The following CA3 variants were observed in gnomAD, a reference collection of about 807,000 sequenced individuals.
The protein encoded by CA3 is carbonic anhydrase 3.
A neutral mutation model predicts 35.7 loss-of-function variants in CA3; 30 were observed. That is an observed-to-expected ratio of 0.84 (90% CI 0.63 to 1.14). The LOEUF (loss-of-function observed/expected upper bound fraction) is 1.14. Ranked by LOEUF, CA3 falls within the 50% of genes most tolerant of loss-of-function variation. The probability of loss-of-function intolerance (pLI) is 0.00; values close to 1 mark genes in which losing one functional copy is unlikely to be tolerated. For missense variants in CA3, 295 were observed against 328.5 expected, an observed-to-expected ratio of 0.90 and a Z score of 0.79; for synonymous variants, 131 against 130.8, an observed-to-expected ratio of 1.00 and a Z score of -0.01.
chr8:85,443,775 C>T (rs768521264), intron 3 of CA3, among the ~76,000 whole-genome samples: 1 of 152,150 alleles, frequency 6.6e-6, no homozygotes, highest in African/African-American at 2.4e-5. Context: ...TGCTCATGTT[C>T]TAAATTAAGG....
chr8:85,448,347 G>A lies in CA3; in HGVS notation c.*194G>A, dbSNP rs1362634010. 9 of 429,856 alleles carry A rather than the reference G, an allele frequency of 2.1e-5. No individual in the cohort carries two copies. The highest frequency in any genetic ancestry group is 1.5e-4 in the East Asian group (4 of 26,498). The allele number at this position is 429,856 out of a possible 1,614,324, so 26.6% of individuals were successfully genotyped here. A position where few individuals can be genotyped will look rare whatever the true frequency, so the allele number is the denominator to read the frequency against. Reference sequence around the variant, plus strand: ...ACTTTCGACAAGATCTAATATGAAAGCATAGATTTCACATTTGATCTCTGT... The same window carrying A: ...ACTTTCGACAAGATCTAATATGAAAACATAGATTTCACATTTGATCTCTGT... On this transcript the variant is annotated 3_prime_UTR_variant, in exon 7 of 7. Transcript: ENST00000285381.
At chr8:85,442,262 C>G in intron 3 of CA3, 71 bp downstream of exon 3, 1 of 833,944 alleles carries the variant, frequency 1.2e-6, no homozygotes, top group South Asian at 1.3e-5. Context: ...ATAAGAACCA[C>G]AGCAACAAAG....
chr8:85,446,475 C>T (rs539332924), intron 6 of CA3, among the ~76,000 whole-genome samples, 178 bp downstream of exon 6: 2 of 152,268 alleles, frequency 1.3e-5, no homozygotes, highest in African/African-American at 2.4e-5. Flanking sequence ...AAAACTTGGC[C>T]CCCAAAGGGT....
At position 85,439,697 on chromosome 8, in the gene CA3, G is replaced by A. The variant is rs553882101; in HGVS notation, c.35-15G>A. 1.2e-4 allele frequency: 190 copies of A among 1,600,314 alleles called. No homozygotes were observed. The Admixed American group carries it at 1.5e-3, about 13-fold the overall frequency. ...TGCCACCAAATAAATACATCTCCTC[G>A]ACTTTATTTCCTAGGTCCTGACCAC... On this transcript the variant is annotated splice_polypyrimidine_tract_variant and intron_variant, in intron 1 of 6. Coordinates refer to ENST00000285381, the MANE Select transcript of CA3 (RefSeq NM_005181.4).
rs747286993 is a variant in CA3 at position 85,442,088 on chromosome 8, C to T, written c.248C>T (p.Pro83Leu). Residue 83 changes from proline (P) to leucine (L), a missense_variant, in exon 3 of 7, where the codon CCT (proline) becomes CTT (leucine). Pro to Leu is a moderately conservative substitution (Grantham distance 98). Transcript: ENST00000285381. ...TYDRSMLRGG[P>L]LPGPYRLRQF... The stretch of plus-strand genomic sequence containing the variant: ...TGAATCACAGTGCTGAGAGGGGGTC[C>T]TCTCCCTGGACCCTACCGACTTCGC... The T allele has an allele frequency of 1.3e-6, 2 of 1,564,518 alleles. No homozygotes were observed. Among genetic ancestry groups the T allele is most frequent in the South Asian group, 2.2e-5 (2 of 90,022 alleles).
chr8:85,442,381 G>A lies in CA3; in HGVS notation c.351+190G>A. 4 of 543,016 alleles carry A rather than the reference G, an allele frequency of 7.4e-6. No individual in the cohort carries two copies. In the South Asian group the frequency reaches 8.8e-5, roughly 12 times the overall value. The allele number at this position is 543,016 out of a possible 1,614,324, so 33.6% of individuals were successfully genotyped here. A position where few individuals can be genotyped will look rare whatever the true frequency, so the allele number is the denominator to read the frequency against. On this transcript the variant is annotated intron_variant, in intron 3 of 6. Coordinates refer to ENST00000285381, the MANE Select transcript of CA3 (RefSeq NM_005181.4). ...TAGGCTAGACAGGTAAAAGGGTATA[G>A]GTGAGTTGGCATCAAACATGAAGAT...
At chr8:85,443,904 A>G (rs1048225867) in intron 3 of CA3, 130 bp from the exon 4 acceptor site, 7 of 675,806 alleles carry the variant, frequency 1.0e-5, no homozygotes, top group Non-Finnish European at 1.8e-5. Context: ...TACTCTTTCA[A>G]ATTTTCTCAG....
At chr8:85,445,932 A>G (rs1163606362) in intron 5 of CA3, among the ~76,000 whole-genome samples, 1 of 152,264 alleles carries the variant, frequency 6.6e-6, no homozygotes, top group Non-Finnish European at 1.5e-5. Flanking sequence ...GGAACACAGT[A>G]TGACAGTGAT....
intron 3 of CA3, among the ~76,000 whole-genome samples, chr8:85,443,661 C>T (rs1360724833): frequency 3.9e-5 from 6 of 152,118 alleles, no homozygotes; most frequent in Non-Finnish European, 7.4e-5. Flanking sequence ...GGGATTATTT[C>T]ATACTTTTGG....
Position 85,438,880 on chromosome 8 carries a change from A to C in CA3, c.-30A>C, listed in dbSNP as rs1811166230. Reference sequence around the variant, plus strand: ...TGCACCACGCAGGGGAAGAGAAAGCAGGAGCCGTCCAGCACGGAGGAAGGC... The same window carrying C: ...TGCACCACGCAGGGGAAGAGAAAGCCGGAGCCGTCCAGCACGGAGGAAGGC... On this transcript the variant is annotated 5_prime_UTR_variant, in exon 1 of 7. Coordinates refer to ENST00000285381, the MANE Select transcript of CA3 (RefSeq NM_005181.4). 1 of 1,550,786 alleles carries C rather than the reference A, an allele frequency of 6.4e-7. No individual in the cohort carries two copies. Among genetic ancestry groups the C allele is most frequent in the Admixed American group, 2.0e-5 (1 of 51,010 alleles).
At chr8:85,441,395 A>G (rs1811204338) in intron 2 of CA3, among the ~76,000 whole-genome samples, 1 of 152,178 alleles carries the variant, frequency 6.6e-6, no homozygotes, top group South Asian at 2.1e-4. Context: ...AAATTTCTGA[A>G]TTTTCCATTT....
chr8:85,446,132 T>C lies in CA3; in HGVS notation c.508-10T>C, dbSNP rs1811286536. ...TGCACTCACTGCACCTGCAACCTGC[T>C]CTTACCCAGGGCAAGGAGGCGCCCT... On this transcript the variant is annotated splice_polypyrimidine_tract_variant and intron_variant, in intron 5 of 6. Coordinates refer to ENST00000285381, the MANE Select transcript of CA3 (RefSeq NM_005181.4). The C allele has an allele frequency of 6.3e-7, 1 of 1,599,146 alleles. No individual in the cohort carries two copies. Among genetic ancestry groups the C allele is most frequent in the Non-Finnish European group, 8.5e-7 (1 of 1,170,982 alleles).
At chr8:85,445,087 C>A in intron 4 of CA3, 69 bp from the exon 5 acceptor site, 1 of 1,002,926 alleles carries the variant, frequency 1.0e-6, no homozygotes, top group Non-Finnish European at 1.5e-6. Context: ...GGATCAAAAT[C>A]AGCTTTGAAG....
rs200848427 is a variant in CA3, at chr8:85,447,997, G to A, written c.664-37G>A. Reference sequence around the variant, plus strand: ...GTCACGTAGTGTGTCCAGTTGATCCGAATGTCTTGTTAACAGTCTGCCCCT... The same window carrying A: ...GTCACGTAGTGTGTCCAGTTGATCCAAATGTCTTGTTAACAGTCTGCCCCT... On this transcript the variant is annotated intron_variant, in intron 6 of 6. Transcript: ENST00000285381. The A allele has an allele frequency of 7.2e-5, 114 of 1,589,604 alleles. 1 individual carries two copies. Among genetic ancestry groups the A allele is most frequent in the Admixed American group, 5.1e-4 (29 of 56,678 alleles).
At chr8:85,439,608 GA>G in intron 1 of CA3, 103 bp from the exon 2 acceptor site, 1 of 742,530 alleles carries the variant, frequency 1.3e-6, no homozygotes, top group East Asian at 2.6e-5. Flanking sequence ...AGACCTTTTT[GA>G]AATCACTGTC....
intron 2 of CA3, among the ~76,000 whole-genome samples, chr8:85,441,527 A>G (rs1811206524): frequency 6.6e-6 from 1 of 152,248 alleles, no homozygotes; most frequent in Admixed American, 6.5e-5. Context: ...CTCAGTGATC[A>G]TCATGCAGGC....
In CA3 at chr8:85,448,898, T is replaced by G. The variant is rs1201276057; in HGVS notation, c.*745T>G. ...TTCACTACATTTTTCTTTGCATGATTATTAAAATAAAAACTGCCTCTGTTG... is the reference window on the plus strand; with the variant it reads ...TTCACTACATTTTTCTTTGCATGATGATTAAAATAAAAACTGCCTCTGTTG... On this transcript the variant is annotated 3_prime_UTR_variant, in exon 7 of 7. Coordinates refer to ENST00000285381, the MANE Select transcript of CA3 (RefSeq NM_005181.4). The G allele has an allele frequency of 6.6e-6, 1 of 152,214 alleles. No individual in the cohort carries two copies. 9.4% of individuals were successfully genotyped at this position (152,214 alleles called of 1,614,324 possible).
chr8:85,444,265 T>C (rs1231823822), intron 4 of CA3, 139 bp downstream of exon 4: 1 of 634,384 alleles, frequency 1.6e-6, no homozygotes, highest in Non-Finnish European at 2.8e-6. Context: ...AATCAAGATA[T>C]TTCTGCAAAG....
chr8:85,439,895 C>G lies in CA3; in HGVS notation c.218C>G (p.Thr73Ser), dbSNP rs758395153. ...ACCTGCCGAGTTGTATTTGATGATA[C>G]TTATGATAGGTCAAGTAAGTATGAC... ...GKTCRVVFDD[T>S]YDRSMLRGGP... Residue 73 changes from threonine (T) to serine (S), a missense_variant, in exon 2 of 7, where the codon ACT (threonine) becomes AGT (serine). By Grantham distance (58) the Thr-to-Ser change is moderately conservative. Transcript: ENST00000285381. 3 of 1,611,824 alleles carry G rather than the reference C, an allele frequency of 1.9e-6. No individual in the cohort carries two copies. The East Asian group carries it at 6.7e-5, about 36-fold the overall frequency.
Sources: allele counts gnomAD v4.1 joint callset (sites outside exome capture counted in the v4.1 genomes callset), GRCh38; gene constraint gnomAD v4.1.1; transcripts MANE v1.5; gene names NCBI Gene and HGNC (gene_info 2026-07-23, HGNC 2026-07-21).